NRG3: variants seen among roughly 807,000 people sequenced by gnomAD.
NRG3 encodes neuregulin 3, also known as pro-neuregulin-3, membrane-bound isoform.
Under a neutral mutation model 66.9 loss-of-function variants are expected in NRG3, and 31 were observed. That is an observed-to-expected ratio of 0.46 (90% CI 0.35 to 0.63). The LOEUF (loss-of-function observed/expected upper bound fraction) is 0.63, where lower values mean the gene tolerates loss of function less well. NRG3 is among the 20% of genes least tolerant of loss of function. NRG3 has a pLI of 0.00. For missense variants in NRG3, 910 were observed against 878.9 expected, an observed-to-expected ratio of 1.04 and a Z score of -0.45; for synonymous variants, 393 against 359.4, an observed-to-expected ratio of 1.09 and a Z score of -1.06.
chr10:82,801,854 TAG>T (rs1450926492), intron 3 of NRG3, among the ~76,000 whole-genome samples: 1 of 152,208 alleles, frequency 6.6e-6, no homozygotes, highest in Non-Finnish European at 1.5e-5. Flanking sequence ...TCTGTTCCAA[TAG>T]ACACATTCAA....
At chr10:82,130,324 C>A (rs899261141) in intron 1 of NRG3, among the ~76,000 whole-genome samples, 1 of 151,892 alleles carries the variant, frequency 6.6e-6, no homozygotes, top group Non-Finnish European at 1.5e-5. Flanking sequence ...GTGTGCTGCA[C>A]CCATTAACTC....
intron 1 of NRG3, among the ~76,000 whole-genome samples, chr10:82,329,267 A>G (rs1378441059): frequency 6.6e-6 from 1 of 152,068 alleles, no homozygotes; most frequent in Non-Finnish European, 1.5e-5. Flanking sequence ...AGTTTCCTTG[A>G]TTCTATATCC....
intron 2 of NRG3, among the ~76,000 whole-genome samples, chr10:82,729,296 C>T (rs1362844826): frequency 6.6e-6 from 1 of 152,218 alleles, no homozygotes; most frequent in Non-Finnish European, 1.5e-5. Context: ...TTCCAACAAC[C>T]TGTCATTGTT....
chr10:82,451,965 A>G (rs1255421214), intron 2 of NRG3, among the ~76,000 whole-genome samples: 1 of 152,150 alleles, frequency 6.6e-6, no homozygotes, highest in East Asian at 1.9e-4. Context: ...AAAAAATGTT[A>G]TCTCTATGGA....
At chr10:82,532,440 C>A (rs913235655) in intron 2 of NRG3, among the ~76,000 whole-genome samples, 1 of 148,752 alleles carries the variant, frequency 6.7e-6, no homozygotes, top group Admixed American at 6.7e-5. Context: ...CAATGGATTA[C>A]TATATATCTA....
intron 1 of NRG3, among the ~76,000 whole-genome samples, chr10:82,001,830 A>G (rs1174959588): frequency 6.6e-6 from 1 of 152,194 alleles, no homozygotes; most frequent in African/African-American, 2.4e-5. Context: ...CGTTCATGTA[A>G]GTGCATGTAA....
chr10:82,890,404 G>A (rs1843050899), intron 4 of NRG3, among the ~76,000 whole-genome samples: 1 of 151,830 alleles, frequency 6.6e-6, no homozygotes, highest in Non-Finnish European at 1.5e-5. Context: ...ATCTTATTAT[G>A]GTCTTTATTT....
chr10:82,096,885 C>T (rs559503927), intron 1 of NRG3, among the ~76,000 whole-genome samples: 5 of 152,078 alleles, frequency 3.3e-5, no homozygotes, highest in Admixed American at 1.3e-4. Context: ...TAGAATAAGC[C>T]CTGATTTATC....
rs540944856 is a variant in NRG3, at chr10:82,805,284, C to T, written c.1028-60127C>T. ...TGCAGCTTTCACCAGCAGATACCAT[C>T]GGACATTCCTTTGATCGTATATCTT... On this transcript the variant is annotated intron_variant, in intron 3 of 8. Transcript: ENST00000372141. Among the ~76,000 whole-genome samples the T allele has an allele frequency of 4.6e-4, 70 of 152,242 alleles. 1 individual carries two copies. The highest frequency in any genetic ancestry group is 1.3e-3 in the African/African-American group (56 of 41,538).
At chr10:82,841,470 A>C (rs962157235) in intron 3 of NRG3, among the ~76,000 whole-genome samples, 2 of 152,202 alleles carry the variant, frequency 1.3e-5, no homozygotes, top group African/African-American at 4.8e-5. Context: ...ATCATATCCT[A>C]TATGAAGAGA....
intron 2 of NRG3, among the ~76,000 whole-genome samples, chr10:82,365,976 G>T (rs2084496038): frequency 6.6e-6 from 1 of 152,228 alleles, no homozygotes; most frequent in Admixed American, 6.5e-5. Flanking sequence ...TTGTATCCAA[G>T]AATTGACACA....
Position 81,935,876 on chromosome 10 carries a change from A to AACACACACAC in NRG3, c.823+59753_823+59762dup, listed in dbSNP as rs55670416. On this transcript the variant is annotated intron_variant, in intron 1 of 8. Coordinates refer to ENST00000372141, the MANE Select transcript of NRG3 (RefSeq NM_001010848.4). ...TTTTCATTATACTTTTCAGTGCCTG[A>AACACACACAC]ACACACACACACACACACACACACA... Among the ~76,000 whole-genome samples, 111 of 132,516 alleles carry AACACACACAC rather than the reference A, an allele frequency of 8.4e-4. 1 individual carries two copies. Among genetic ancestry groups the AACACACACAC allele is most frequent in the South Asian group, 2.3e-3 (9 of 3,912 alleles). The allele number at this position is 132,516 out of a possible 152,430, so 86.9% of individuals were successfully genotyped here.
intron 6 of NRG3, among the ~76,000 whole-genome samples, chr10:82,967,137 T>TTATA (rs149462086): frequency 1.9e-4 from 28 of 147,912 alleles, no homozygotes; most frequent in African/African-American, 5.2e-4. Flanking sequence ...ATCAAAGATT[T>TTATA]TATATATATA....
intron 1 of NRG3, among the ~76,000 whole-genome samples, chr10:82,137,963 G>C (rs1411963046): frequency 2.0e-5 from 3 of 152,044 alleles, no homozygotes; most frequent in Non-Finnish European, 2.9e-5. Flanking sequence ...TGACATTCAG[G>C]CTACTGGTAT....
chr10:82,970,265 G>A (rs540345992), intron 6 of NRG3, among the ~76,000 whole-genome samples: 1 of 152,194 alleles, frequency 6.6e-6, no homozygotes, highest in South Asian at 2.1e-4. Context: ...CTTTTCCAGG[G>A]CCTTTTCCTT....
intron 1 of NRG3, among the ~76,000 whole-genome samples, chr10:82,227,928 A>G (rs907958431): frequency 1.3e-5 from 2 of 152,114 alleles, no homozygotes; most frequent in African/African-American, 4.8e-5. Context: ...ACTTAATTTA[A>G]GTTTCCTCAA....
intron 1 of NRG3, among the ~76,000 whole-genome samples, chr10:82,184,661 G>T (rs1028055784): frequency 2.6e-5 from 4 of 152,040 alleles, no homozygotes; most frequent in African/African-American, 7.2e-5. Flanking sequence ...ATTCCTCGGG[G>T]ATATAATAAA....
Position 82,641,506 on chromosome 10 carries a change from A to G in NRG3, c.954-97071A>G, listed in dbSNP as rs548851070. The stretch of plus-strand genomic sequence containing the variant: ...CAAAAAAGCAGGGTTTCTTAGACAA[A>G]TGGCTAATCCTAGGTCTGGTGTATA... On this transcript the variant is annotated intron_variant, in intron 2 of 8. Transcript: ENST00000372141. Among the ~76,000 whole-genome samples, 7 of 152,302 alleles carry G rather than the reference A, an allele frequency of 4.6e-5. No homozygotes were observed. In the East Asian group the frequency reaches 1.4e-3, roughly 29 times the overall value.
At chr10:82,008,010 CA>C (rs2133749493) in intron 1 of NRG3, among the ~76,000 whole-genome samples, 1 of 152,116 alleles carries the variant, frequency 6.6e-6, no homozygotes, top group African/African-American at 2.4e-5. Flanking sequence ...TTATTTTATT[CA>C]ACAGATACTT....
Sources: allele counts gnomAD v4.1 joint callset (sites outside exome capture counted in the v4.1 genomes callset), GRCh38; gene constraint gnomAD v4.1.1; transcripts MANE v1.5; gene names NCBI Gene and HGNC (gene_info 2026-07-23, HGNC 2026-07-21).